Variants in FBXL13 observed in about 807,000 individuals in gnomAD.
FBXL13 encodes the protein F-box and leucine-rich repeat protein 13.
A neutral mutation model predicts 83.6 loss-of-function variants in FBXL13; 67 were observed. The observed-to-expected ratio is 0.80, with a 90% CI of 0.66 to 0.98. The LOEUF (loss-of-function observed/expected upper bound fraction) is 0.98. FBXL13 is among the 50% of genes least tolerant of loss of function. The pLI is 0.00. For missense variants in FBXL13, 822 were observed against 866.5 expected (o/e 0.95, Z 0.64); for synonymous variants, 272 against 299.5 (o/e 0.91, Z 0.95).
intron 6 of FBXL13, among the ~76,000 whole-genome samples, chr7:102,990,843 G>A (rs1442000751): frequency 2.0e-5 from 3 of 152,202 alleles, no homozygotes; most frequent in Non-Finnish European, 4.4e-5. Context: ...AACTCCACAT[G>A]GCTACAGCCA....
chr7:102,894,191 C>T (rs1811970638), intron 11 of FBXL13, among the ~76,000 whole-genome samples: 1 of 152,144 alleles, frequency 6.6e-6, no homozygotes, highest in Non-Finnish European at 1.5e-5. Context: ...ATCTCTGCTT[C>T]TCTGAAAGGA....
At chr7:102,866,997 C>A (rs952230599) in intron 16 of FBXL13, among the ~76,000 whole-genome samples, 1 of 152,120 alleles carries the variant, frequency 6.6e-6, no homozygotes, top group Non-Finnish European at 1.5e-5. Context: ...AGTGGAAATA[C>A]AAAGAAGGAG....
intron 6 of FBXL13, among the ~76,000 whole-genome samples, chr7:102,981,395 A>T (rs1017777993): frequency 1.7e-4 from 4 of 23,152 alleles, no homozygotes; most frequent in African/African-American, 4.7e-4. Flanking sequence ...CATTGCCTGC[A>T]CACCTTTCCC....
At chr7:102,949,196 C>T (rs1216470474) in intron 8 of FBXL13, among the ~76,000 whole-genome samples, 1 of 152,130 alleles carries the variant, frequency 6.6e-6, no homozygotes, top group Non-Finnish European at 1.5e-5. Context: ...AATAGAGGAA[C>T]TGATCTTAGC....
In FBXL13 at chr7:103,029,407, T is replaced by G. The variant is rs1794271837; in HGVS notation, c.12A>C (p.Glu4Asp). 2 of 1,515,716 alleles carry G rather than the reference T, an allele frequency of 1.3e-6. No individual in the cohort carries two copies. The highest frequency in any genetic ancestry group is 2.9e-5 in the African/African-American group (2 of 70,006). The allele number at this position is 1,515,716 out of a possible 1,614,324, so 93.9% of individuals were successfully genotyped here. ...AAAAGCTACAGGCTTTTATCATCAA[T>G]TCCGGAGTCATCTAAAGTAAATAAA... The change falls in exon 3 of 20, where the codon GAA becomes GAC. Residue 4 changes from glutamate (E) to aspartate (D), a missense_variant. Physicochemically the swap from Glu to Asp is conservative, Grantham distance 45. Coordinates refer to ENST00000313221, the Ensembl canonical transcript of FBXL13.
At chr7:103,017,922 T>G (rs1192562274) in intron 6 of FBXL13, among the ~76,000 whole-genome samples, 1 of 152,114 alleles carries the variant, frequency 6.6e-6, no homozygotes, top group Admixed American at 6.5e-5. Context: ...CCAGGAGAAC[T>G]TCCCCAATCT....
chr7:102,963,852 A>G (rs952708388), intron 7 of FBXL13, among the ~76,000 whole-genome samples, 187 bp from the exon 9 acceptor site: 1 of 152,200 alleles, frequency 6.6e-6, no homozygotes, highest in African/African-American at 2.4e-5. Flanking sequence ...GCATCCAACA[A>G]AAGCCTAATA....
chr7:102,833,043 C>T, intron 17 of FBXL13, 69 bp from the exon 19 acceptor site: 3 of 1,529,832 alleles, frequency 2.0e-6, no homozygotes, highest in Non-Finnish European at 2.7e-6. Context: ...CTTATAGTAG[C>T]TTATTAAATG....
chr7:102,833,899 C>A (rs894003091), intron 17 of FBXL13, among the ~76,000 whole-genome samples: 1 of 151,700 alleles, frequency 6.6e-6, no homozygotes, highest in Non-Finnish European at 1.5e-5. Flanking sequence ...TGATAAGAAT[C>A]CATGAGGAAA....
intron 10 of FBXL13, among the ~76,000 whole-genome samples, chr7:102,918,382 C>T (rs1395512098): frequency 6.6e-6 from 1 of 152,142 alleles, no homozygotes; most frequent in Non-Finnish European, 1.5e-5. Context: ...GGTATAACTT[C>T]ATTTGTAAAA....
chr7:102,971,511 C>A, intron 6 of FBXL13, among the ~76,000 whole-genome samples: 1 of 150,138 alleles, frequency 6.7e-6, no homozygotes, highest in South Asian at 2.1e-4. Flanking sequence ...GCAGGAGAAT[C>A]GCTTGAACCC....
intron 11 of FBXL13, among the ~76,000 whole-genome samples, chr7:102,900,388 C>A (rs1435910122): frequency 6.6e-6 from 1 of 152,172 alleles, no homozygotes; most frequent in Non-Finnish European, 1.5e-5. Context: ...ATTCTCAAGG[C>A]TTTTTGTTTT....
At chr7:102,925,587 T>A (rs539032010) in intron 10 of FBXL13, among the ~76,000 whole-genome samples, 1 of 152,098 alleles carries the variant, frequency 6.6e-6, no homozygotes, top group East Asian at 1.9e-4. Flanking sequence ...AGCCAGAGCA[T>A]GGGAACAGGG....
intron 6 of FBXL13, among the ~76,000 whole-genome samples, chr7:103,019,563 T>C (rs1707402774): frequency 6.6e-6 from 1 of 151,638 alleles, no homozygotes; most frequent in African/African-American, 2.4e-5. Context: ...CTAACAAAAT[T>C]GACAGACGGA....
At chr7:102,952,891 G>A (rs1370529580) in intron 8 of FBXL13, among the ~76,000 whole-genome samples, 4 of 152,126 alleles carry the variant, frequency 2.6e-5, no homozygotes, top group Non-Finnish European at 2.9e-5. Context: ...GGCTGAGGCA[G>A]GAGAATCACT....
Position 102,851,501 on chromosome 7 carries a change from CCTT to C in FBXL13, c.1719+3273_1719+3275del, listed in dbSNP as rs1392020849. On this transcript the variant is annotated intron_variant, in intron 17 of 19. Transcript: ENST00000313221. Reference sequence around the variant, plus strand: ...TCTTCCCTTTCCTTCTTCTCCTTCTCCTTCTTCTTTTCTTCTTCCTCCTCCTCT... The same window carrying C: ...TCTTCCCTTTCCTTCTTCTCCTTCTCCTTCTTTTCTTCTTCCTCCTCCTCT... 4.6e-3 allele frequency among the ~76,000 whole-genome samples: 585 copies of C among 128,308 alleles called. 4 individuals are homozygous for C. The highest frequency in any genetic ancestry group is 0.017 in the African/African-American group (545 of 32,874). 84.2% of individuals were successfully genotyped at this position (128,308 alleles called of 152,430 possible). A position where few individuals can be genotyped will look rare whatever the true frequency, so the allele number is the denominator to read the frequency against.
At chr7:102,871,530 C>T (rs537249067) in intron 16 of FBXL13, among the ~76,000 whole-genome samples, 11 of 151,964 alleles carry the variant, frequency 7.2e-5, no homozygotes, top group African/African-American at 2.4e-4. Context: ...GGACTACATG[C>T]GCATGCCACC....
intron 8 of FBXL13, chr7:102,944,448 G>A (rs777476353): frequency 1.9e-6 from 3 of 1,613,960 alleles, no homozygotes; most frequent in South Asian, 2.2e-5. Context: ...GATGGTCTGT[G>A]GGAAAATATA....
chr7:103,070,544 T>C (rs1798848030), intron 1 of FBXL13, among the ~76,000 whole-genome samples: 1 of 152,110 alleles, frequency 6.6e-6, no homozygotes, highest in Admixed American at 6.5e-5. Context: ...ACATGTGTGT[T>C]GATCCATTTT....
Sources: gnomAD v4.1 joint callset for allele counts (sites outside exome capture counted in the v4.1 genomes callset) on GRCh38, gnomAD v4.1.1 for gene constraint, MANE v1.5 for transcripts, NCBI Gene and HGNC (gene_info 2026-07-23, HGNC 2026-07-21) for gene names.